Variants in FRMD4A observed in about 807,000 individuals in gnomAD.
FRMD4A encodes FERM domain-containing protein 4A.
A neutral mutation model predicts 129.1 loss-of-function variants in FRMD4A; 29 were observed. The ratio of observed to expected loss-of-function variants is 0.22; its 90% CI spans 0.17 to 0.31. The LOEUF (loss-of-function observed/expected upper bound fraction) is 0.31. Among genes scored for constraint, FRMD4A ranks in the 10% least tolerant of loss-of-function variants. FRMD4A has a pLI of 1.00. For missense variants in FRMD4A, 1,272 were observed against 1,375.8 expected, an observed-to-expected ratio of 0.92 and a Z score of 1.19; for synonymous variants, 634 against 571.6, an observed-to-expected ratio of 1.11 and a Z score of -1.56.
intron 3 of FRMD4A, among the ~76,000 whole-genome samples, chr10:13,824,388 G>A (rs1034300416): frequency 5.9e-5 from 9 of 151,300 alleles, no homozygotes; most frequent in Non-Finnish European, 1.0e-4. Flanking sequence ...AGCTACTCAG[G>A]AGGCTGAGGC....
At chr10:14,259,436 T>C (rs745434956) in intron 2 of FRMD4A, among the ~76,000 whole-genome samples, 1 of 152,172 alleles carries the variant, frequency 6.6e-6, no homozygotes, top group East Asian at 1.9e-4. Context: ...AAAAATGGCA[T>C]TTTTTCAATT....
intron 2 of FRMD4A, among the ~76,000 whole-genome samples, chr10:14,267,830 A>G (rs1461909079): frequency 3.9e-5 from 6 of 152,194 alleles, no homozygotes; most frequent in African/African-American, 1.4e-4. Context: ...CACAAGACCT[A>G]ATCTAGATAC....
intron 2 of FRMD4A, among the ~76,000 whole-genome samples, chr10:14,188,482 C>T (rs1842217508): frequency 6.6e-6 from 1 of 152,202 alleles, no homozygotes; most frequent in African/African-American, 2.4e-5. Flanking sequence ...CCAATCATTC[C>T]CTCTTCAATC....
At chr10:14,128,035 C>T (rs1307988696) in intron 2 of FRMD4A, among the ~76,000 whole-genome samples, 12 of 121,078 alleles carry the variant, frequency 9.9e-5, no homozygotes, top group African/African-American at 3.7e-4. Flanking sequence ...TTCCTTCCTT[C>T]CTTTCTTTCC....
chr10:14,037,397 T>C (rs1388044716), intron 2 of FRMD4A, among the ~76,000 whole-genome samples: 2 of 152,180 alleles, frequency 1.3e-5, no homozygotes, highest in African/African-American at 4.8e-5. Context: ...TTTGTATTTT[T>C]AGTAGAGACG....
intron 2 of FRMD4A, among the ~76,000 whole-genome samples, chr10:14,051,714 C>T (rs149333608): frequency 2.0e-5 from 3 of 152,278 alleles, no homozygotes; most frequent in South Asian, 2.1e-4. Context: ...TCTAGTGTCC[C>T]GTGGGCAGCC....
At chr10:13,898,148 G>A (rs567670621) in intron 2 of FRMD4A, among the ~76,000 whole-genome samples, 2 of 152,142 alleles carry the variant, frequency 1.3e-5, no homozygotes, top group African/African-American at 2.4e-5. Context: ...CAAGGTGGAC[G>A]GATCACCTGA....
chr10:14,039,575 G>A (rs1011186057), intron 2 of FRMD4A, among the ~76,000 whole-genome samples: 4 of 151,836 alleles, frequency 2.6e-5, no homozygotes, highest in African/African-American at 9.7e-5. Flanking sequence ...GCTGGGAATG[G>A]CTTAGGCTAA....
intron 4 of FRMD4A, among the ~76,000 whole-genome samples, chr10:13,806,076 C>A (rs115929841): frequency 6.6e-6 from 1 of 151,968 alleles, no homozygotes; most frequent in South Asian, 2.1e-4. Context: ...AGGGTGATCT[C>A]GAACTCCTGA....
intron 2 of FRMD4A, among the ~76,000 whole-genome samples, chr10:13,872,363 T>C (rs12777098): frequency 0.049 from 7,500 of 152,274 alleles, 204 homozygotes; most frequent in South Asian, 0.073. Context: ...GGTACTTCGT[T>C]CAGACAGGAC....
At chr10:13,815,141 A>G (rs865858758) in intron 3 of FRMD4A, among the ~76,000 whole-genome samples, 13 of 152,192 alleles carry the variant, frequency 8.5e-5, no homozygotes, top group Non-Finnish European at 1.9e-4. Flanking sequence ...AGATTCTGAG[A>G]CTGAGAGATA....
chr10:13,853,233 T>C (rs2094163448), intron 3 of FRMD4A, among the ~76,000 whole-genome samples: 1 of 152,098 alleles, frequency 6.6e-6, no homozygotes, highest in African/African-American at 2.4e-5. Flanking sequence ...GTAAAGCTCT[T>C]ATCATCAAAG....
At chr10:13,891,474 T>C (rs2094695600) in intron 2 of FRMD4A, 1 of 435,704 alleles carries the variant, frequency 2.3e-6, no homozygotes, top group African/African-American at 2.1e-5. Context: ...ATTTAAAAAC[T>C]GTAACATACG....
intron 2 of FRMD4A, among the ~76,000 whole-genome samples, chr10:14,288,385 A>G (rs1467719741): frequency 6.6e-6 from 1 of 152,136 alleles, no homozygotes; most frequent in African/African-American, 2.4e-5. Flanking sequence ...TTAAAATCCA[A>G]CTTAACATAT....
At chr10:14,285,349 G>A (rs1845648295) in intron 2 of FRMD4A, among the ~76,000 whole-genome samples, 7 of 152,204 alleles carry the variant, frequency 4.6e-5, no homozygotes, top group Admixed American at 3.9e-4. Context: ...GTATTTCATA[G>A]GCAAGAGAAA....
intron 15 of FRMD4A, among the ~76,000 whole-genome samples, chr10:13,683,688 G>A (rs2399988): frequency 1.3e-5 from 2 of 151,362 alleles, no homozygotes; most frequent in South Asian, 2.1e-4. Context: ...GGTAATTAAC[G>A]TGAATTGTAG....
chr10:13,714,039 T>TATATTATATATATATATAAAATATAC (rs2088479716), intron 12 of FRMD4A, among the ~76,000 whole-genome samples: 1 of 2,428 alleles, frequency 4.1e-4, no homozygotes, highest in African/African-American at 1.3e-3. Context: ...TATATATATA[T>TATATTATATATATATATAAAATATAC]ATATATATAT....
intron 2 of FRMD4A, among the ~76,000 whole-genome samples, chr10:14,266,281 G>A (rs575943263): frequency 2.9e-4 from 44 of 152,186 alleles, no homozygotes; most frequent in African/African-American, 1.0e-3. Context: ...TCCAGTCAAT[G>A]ACAAATGTCC....
At chr10:14,246,718 C>T (rs548547070) in intron 2 of FRMD4A, among the ~76,000 whole-genome samples, 1 of 152,252 alleles carries the variant, frequency 6.6e-6, no homozygotes, top group South Asian at 2.1e-4. Context: ...GTGTTTAACG[C>T]CATCCCCAAA....
Sources: allele counts gnomAD v4.1 joint callset (sites outside exome capture counted in the v4.1 genomes callset), GRCh38; gene constraint gnomAD v4.1.1; transcripts MANE v1.5; gene names NCBI Gene and HGNC (gene_info 2026-07-23, HGNC 2026-07-21).